SYNCRIP: variants seen among roughly 807,000 people sequenced by gnomAD.
SYNCRIP encodes heterogeneous nuclear ribonucleoprotein Q.
Under a neutral mutation model 68.9 loss-of-function variants are expected in SYNCRIP, and 9 were observed. That is an observed-to-expected ratio of 0.13 (90% CI 0.08 to 0.23). SYNCRIP has a LOEUF of 0.23. SYNCRIP is among the 10% of genes least tolerant of loss of function. The probability of loss-of-function intolerance (pLI) is 1.00; values close to 1 mark genes in which losing one functional copy is unlikely to be tolerated. For synonymous variants in SYNCRIP, 258 were observed against 254.0 expected, an observed-to-expected ratio of 1.02 and a Z score of -0.15; for missense variants, 414 against 770.6, an observed-to-expected ratio of 0.54 and a Z score of 5.48.
rs146161340 is a variant in SYNCRIP, at chr6:85,636,424, G to A, written c.666+543C>T. On this transcript the variant is annotated intron_variant, in intron 6 of 10. Coordinates refer to ENST00000369622, the MANE Select transcript of SYNCRIP (RefSeq NM_006372.5). ...TCATGCCACTTCAGCCTGGGCAAGAGAGAGAAACTTGGTCTCAAAAAAAAA... is the reference window on the plus strand; with the variant it reads ...TCATGCCACTTCAGCCTGGGCAAGAAAGAGAAACTTGGTCTCAAAAAAAAA... Among the ~76,000 whole-genome samples the A allele has an allele frequency of 7.7e-3, 1,164 of 151,472 alleles. 13 individuals carry two copies. Among genetic ancestry groups the A allele is most frequent in the African/African-American group, 0.027 (1,123 of 41,282 alleles).
intron 10 of SYNCRIP, among the ~76,000 whole-genome samples, chr6:85,616,841 G>A (rs916724953): frequency 6.6e-6 from 1 of 152,024 alleles, no homozygotes; most frequent in Non-Finnish European, 1.5e-5. Context: ...TCTTTCCAGG[G>A]GGACATTTTA....
chr6:85,634,139 T>G (rs1302443398), intron 6 of SYNCRIP, among the ~76,000 whole-genome samples: 2 of 152,208 alleles, frequency 1.3e-5, no homozygotes, highest in Non-Finnish European at 2.9e-5. Flanking sequence ...AATAAGACTA[T>G]ATTCTAAGCA....
intron 6 of SYNCRIP, among the ~76,000 whole-genome samples, chr6:85,631,926 C>G (rs966359680): frequency 3.9e-5 from 6 of 152,204 alleles, no homozygotes; most frequent in Admixed American, 2.0e-4. Context: ...CCTTAACAAG[C>G]ACTCAAGTAG....
chr6:85,626,042 TGAG>T (rs977411673), intron 6 of SYNCRIP, among the ~76,000 whole-genome samples: 2 of 152,246 alleles, frequency 1.3e-5, no homozygotes, highest in African/African-American at 4.8e-5. Flanking sequence ...TCAGCAGTGC[TGAG>T]GTTAAAAACT....
Position 85,614,732 on chromosome 6 carries a change from A to T in SYNCRIP, c.*24T>A. On this transcript the variant is annotated 3_prime_UTR_variant, in exon 11 of 11. Coordinates refer to ENST00000369622, the MANE Select transcript of SYNCRIP (RefSeq NM_006372.5). The stretch of plus-strand genomic sequence containing the variant: ...GTTTCTGATCAACCTATCAGTCTCC[A>T]ATTTTACAGAGGCCCTACTGTTTCT... 6.5e-7 allele frequency: 1 copy of T among 1,546,486 alleles called. No homozygotes were observed. The highest frequency in any genetic ancestry group is 1.3e-5 in the South Asian group (1 of 78,264).
chr6:85,611,298 A>G (rs1326347914), downstream of SYNCRIP: 1 of 152,570 alleles, frequency 6.6e-6, no homozygotes, highest in Non-Finnish European at 1.5e-5. Context: ...TATTACAAAA[A>G]TAAGTTACAC....
intron 10 of SYNCRIP, among the ~76,000 whole-genome samples, chr6:85,618,284 T>C (rs889747311): frequency 1.1e-4 from 17 of 152,000 alleles, no homozygotes; most frequent in Admixed American, 6.6e-5. Flanking sequence ...CTCACAGCTG[T>C]AATCCCAGCA....
chr6:85,621,901 C>G (rs1806454586), intron 8 of SYNCRIP, among the ~76,000 whole-genome samples: 1 of 152,164 alleles, frequency 6.6e-6, no homozygotes. Context: ...TGGAAGTCAA[C>G]TGTCTACAGC....
chr6:85,609,508 T>C (rs561645161), downstream of SYNCRIP: 1 of 152,062 alleles, frequency 6.6e-6, no homozygotes, highest in Non-Finnish European at 1.5e-5. Flanking sequence ...GGTAGAAAAG[T>C]TTCTTAAGCT....
At chr6:85,638,245 C>T (rs1156822184) in intron 4 of SYNCRIP, among the ~76,000 whole-genome samples, 1 of 151,810 alleles carries the variant, frequency 6.6e-6, no homozygotes, top group Non-Finnish European at 1.5e-5. Context: ...TGGTGGCACG[C>T]GCCTGTAATG....
intron 7 of SYNCRIP, among the ~76,000 whole-genome samples, chr6:85,623,571 A>AAAAAAAAAAAAAAAAAAAAAAAC (rs1562087648): frequency 1.5e-4 from 22 of 147,964 alleles, no homozygotes; most frequent in African/African-American, 5.2e-4. Context: ...CCAAAAAAAA[A>AAAAAAAAAAAAAAAAAAAAAAAC]AAAAAAAAAA....
At position 85,617,026 on chromosome 6, in the gene SYNCRIP, T is replaced by C. The variant is rs921407629; in HGVS notation, c.1281-1679A>G. On this transcript the variant is annotated intron_variant, in intron 10 of 10. Transcript: ENST00000369622. Reference sequence around the variant, plus strand: ...GTATAGTGGTTAAGAGGGAAAATTATGGGAGACTAGACTACCTTAGTTCAA... The same window carrying C: ...GTATAGTGGTTAAGAGGGAAAATTACGGGAGACTAGACTACCTTAGTTCAA... 2.0e-5 allele frequency among the ~76,000 whole-genome samples: 3 copies of C among 152,126 alleles called. No homozygotes were observed. In the East Asian group the frequency reaches 5.8e-4, roughly 29 times the overall value.
At chr6:85,618,011 C>T (rs1805970323) in intron 10 of SYNCRIP, among the ~76,000 whole-genome samples, 1 of 152,132 alleles carries the variant, frequency 6.6e-6, no homozygotes, top group Admixed American at 6.5e-5. Context: ...TCTTATTGCA[C>T]TACTGTGTTA....
chr6:85,614,773 CAA>C lies in SYNCRIP; in HGVS notation c.1853_1854del (p.Phe618TrpfsTer13). The C allele has an allele frequency of 6.2e-7, 1 of 1,600,132 alleles. No homozygotes were observed. The highest frequency in any genetic ancestry group is 8.5e-7 in the Non-Finnish European group (1 of 1,174,084). On this transcript the variant is annotated frameshift_variant, in exon 11 of 11. Transcript: ENST00000369622. LOFTEE classifies it high-confidence loss of function. Reference sequence around the variant, plus strand: ...TACTGTTTCTACTTCCACTGTTGCCCAAAAGTATCCTGATAAAACTCCTGGTT... The same window carrying C: ...TACTGTTTCTACTTCCACTGTTGCCCAAGTATCCTGATAAAACTCCTGGTT... ...SENQEFYQDT[F>X]GQQWK
chr6:85,624,669 T>C lies in SYNCRIP; in HGVS notation c.667-557A>G, dbSNP rs566948167. Among the ~76,000 whole-genome samples the C allele has an allele frequency of 4.9e-4, 75 of 152,226 alleles. 1 individual carries two copies. The highest frequency in any genetic ancestry group is 1.8e-3 in the African/African-American group (74 of 41,460). On this transcript the variant is annotated intron_variant, in intron 6 of 10. Transcript: ENST00000369622. ...AGGAGAAAGAGAAGTAGATTTGTCA[T>C]GGCAAAAATATACAGAAACAACTTT...
intron 6 of SYNCRIP, among the ~76,000 whole-genome samples, chr6:85,627,015 T>G (rs1288941500): frequency 6.6e-6 from 1 of 152,092 alleles, no homozygotes; most frequent in African/African-American, 2.4e-5. Context: ...CCTGTACTCC[T>G]AGCATTTTGG....
Position 85,640,217 on chromosome 6 carries a change from A to G in SYNCRIP, c.375+4T>C. 6.2e-7 allele frequency: 1 copy of G among 1,600,634 alleles called. No homozygotes were observed. The highest frequency in any genetic ancestry group is 8.6e-7 in the Non-Finnish European group (1 of 1,168,870). On this transcript the variant is annotated splice_donor_region_variant and intron_variant, in intron 4 of 10. Transcript: ENST00000369622. ...AAAACTAAAGGGAGTATAGAAAGAC[A>G]TACCTTAATTTTTGCCTCATCTGGT...
At chr6:85,609,539 T>C (rs1270249189), downstream of SYNCRIP, 1 of 151,992 alleles carries the variant, frequency 6.6e-6, no homozygotes, top group Non-Finnish European at 1.5e-5. Context: ...ATCATGAGTG[T>C]ACAACAGTTG....
chr6:85,621,427 G>C (rs1022166557), intron 8 of SYNCRIP, among the ~76,000 whole-genome samples: 1 of 152,016 alleles, frequency 6.6e-6, no homozygotes, highest in Non-Finnish European at 1.5e-5. Flanking sequence ...GCAGCACAGG[G>C]AGATTAACTC....
Sources: gnomAD v4.1 joint callset for allele counts (sites outside exome capture counted in the v4.1 genomes callset) on GRCh38, gnomAD v4.1.1 for gene constraint, MANE v1.5 for transcripts, NCBI Gene and HGNC (gene_info 2026-07-23, HGNC 2026-07-21) for gene names.